The following UNC45B variants were observed in gnomAD, a reference collection of about 807,000 sequenced individuals.
UNC45B encodes unc-45 myosin chaperone B.
A neutral mutation model predicts 98.7 loss-of-function variants in UNC45B; 78 were observed. The ratio of observed to expected loss-of-function variants is 0.79; its 90% CI spans 0.66 to 0.95. UNC45B has a LOEUF of 0.95. UNC45B is among the 40% of genes least tolerant of loss of function. The pLI is 0.00. For missense variants in UNC45B, 1,225 were observed against 1,184.9 expected (o/e 1.03, Z -0.50); for synonymous variants, 462 against 480.4 (o/e 0.96, Z 0.50).
intron 13 of UNC45B, among the ~76,000 whole-genome samples, chr17:35,173,848 TGTCGCCCAGGCTGGA>T (rs1456061780): frequency 6.7e-6 from 1 of 149,432 alleles, no homozygotes; most frequent in Non-Finnish European, 1.5e-5. Context: ...AGTCTCGCTG[TGTCGCCCAGGCTGGA>T]GTGCAGTGGT....
At chr17:35,174,514 G>A in intron 14 of UNC45B, 145 bp downstream of exon 14, 1 of 1,230,854 alleles carries the variant, frequency 8.1e-7, no homozygotes, top group Non-Finnish European at 1.1e-6. Flanking sequence ...GGTCTGAGGG[G>A]ATCAGCTTTG....
At chr17:35,161,853 A>C (rs947667411) in intron 8 of UNC45B, among the ~76,000 whole-genome samples, 3 of 152,038 alleles carry the variant, frequency 2.0e-5, no homozygotes, top group Non-Finnish European at 4.4e-5. Context: ...TGGAGGTGGG[A>C]TTCATCACTA....
At chr17:35,149,077 G>T (rs1376236293) in intron 3 of UNC45B, 68 bp downstream of exon 3, 12 of 1,583,492 alleles carry the variant, frequency 7.6e-6, no homozygotes, top group Non-Finnish European at 1.0e-5. Context: ...TTTTAATCTA[G>T]TTACCATTTT....
chr17:35,162,986 A>G (rs762794058), intron 8 of UNC45B, among the ~76,000 whole-genome samples: 15 of 152,212 alleles, frequency 9.9e-5, no homozygotes, highest in Non-Finnish European at 2.1e-4. Context: ...AGCTAACATC[A>G]CAGGCTTTGA....
chr17:35,181,739 C>T (rs951172813), intron 18 of UNC45B, among the ~76,000 whole-genome samples: 3 of 147,658 alleles, frequency 2.0e-5, no homozygotes, highest in African/African-American at 7.5e-5. Context: ...TACAGTGAGC[C>T]GAGATCATGC....
chr17:35,156,446 T>C (rs1334930443), intron 7 of UNC45B, among the ~76,000 whole-genome samples: 3 of 152,026 alleles, frequency 2.0e-5, no homozygotes, highest in Non-Finnish European at 2.9e-5. Context: ...ACCAACATGG[T>C]GAAAACCTGT....
Position 35,170,299 on chromosome 17 carries a change from G to T in UNC45B, c.1689+44G>T, listed in dbSNP as rs372611139. On this transcript the variant is annotated intron_variant, in intron 12 of 19. Transcript: ENST00000394570. ...GGCCCGACCACAAACCTCAGGAAAGGTCTGCTGGGTCCAGACCCACAGGGA... is the reference window on the plus strand; with the variant it reads ...GGCCCGACCACAAACCTCAGGAAAGTTCTGCTGGGTCCAGACCCACAGGGA... The T allele has an allele frequency of 3.2e-6, 5 of 1,552,564 alleles. No individual in the cohort carries two copies. In the African/African-American group the frequency reaches 5.4e-5, roughly 17 times the overall value.
In UNC45B at chr17:35,154,585, T is replaced by C. The variant is rs1160050871; in HGVS notation, c.483T>C (p.Asn161=). The C allele has an allele frequency of 1.2e-6, 2 of 1,612,714 alleles. No individual in the cohort carries two copies. Among genetic ancestry groups the C allele is most frequent in the African/African-American group, 1.3e-5 (1 of 74,968 alleles). ...TCTTCCTCCTTCAGGCTGCCAACAA[T>C]CTCATTGTCCTAGGCCGTGAGGAAG... ...EADKREKAAN[N]LIVLGREEAG... The change falls in exon 6 of 20, where the codon AAT becomes AAC. Residue 161 remains asparagine (N), a synonymous_variant. Coordinates refer to ENST00000394570, the MANE Select transcript of UNC45B (RefSeq NM_001267052.2).
intron 19 of UNC45B, 49 bp from the exon 20 acceptor site, chr17:35,186,250 G>T (rs2092302603): frequency 6.3e-7 from 1 of 1,599,388 alleles, no homozygotes; most frequent in Non-Finnish European, 8.5e-7. Flanking sequence ...ATGAACTCTG[G>T]GGACACACTC....
chr17:35,179,818 C>T (rs557219088), intron 17 of UNC45B, among the ~76,000 whole-genome samples: 12 of 151,886 alleles, frequency 7.9e-5, no homozygotes, highest in African/African-American at 1.5e-4. Flanking sequence ...AGTTGATGGG[C>T]GCAGCAAGCC....
At chr17:35,175,622 G>C (rs929487502) in intron 14 of UNC45B, among the ~76,000 whole-genome samples, 1 of 152,176 alleles carries the variant, frequency 6.6e-6, no homozygotes, top group Non-Finnish European at 1.5e-5. Context: ...GGAAGAGCTG[G>C]TGCTGGATGA....
At chr17:35,168,689 T>C (rs539085772) in intron 10 of UNC45B, among the ~76,000 whole-genome samples, 1 of 151,220 alleles carries the variant, frequency 6.6e-6, no homozygotes, top group South Asian at 2.1e-4. Context: ...CTATAAGGTA[T>C]TTTTTTTCCA....
At chr17:35,180,517 A>G in intron 17 of UNC45B, 42 bp from the exon 18 acceptor site, 1 of 1,547,378 alleles carries the variant, frequency 6.5e-7, no homozygotes, top group Non-Finnish European at 8.9e-7. Context: ...TGGTCACGGC[A>G]GAAGACTCAA....
In UNC45B at chr17:35,177,528, T is replaced by C. The variant is rs1344930397; in HGVS notation, c.2173T>C (p.Leu725=). 6.4e-6 allele frequency: 10 copies of C among 1,567,348 alleles called. No homozygotes were observed. Among genetic ancestry groups the C allele is most frequent in the African/African-American group, 1.4e-5 (1 of 73,658 alleles). ...GGTGGTGCGGCCCCTTGTAAGACTC[T>C]TGGACACACAGAGGGATGGGCTTCA... ...YEVVRPLVRL[L]DTQRDGLQNY... The change falls in exon 17 of 20, where the codon TTG becomes CTG. Residue 725 remains leucine, a synonymous_variant. Coordinates refer to ENST00000394570, the MANE Select transcript of UNC45B (RefSeq NM_001267052.2).
Position 35,186,385 on chromosome 17 carries a change from C to G in UNC45B, c.2616C>G (p.Asn872Lys). ...ACCGGGGCCTGGTCATTGCCTACAA[C>G]CTACTGGCAGCCGATGCTGAGCTGG... is the stretch of plus-strand genomic sequence containing the variant. Reference protein sequence around the residue: ...VQHRGLVIAYNLLAADAELAK... With the variant: ...VQHRGLVIAYKLLAADAELAK... The change falls in exon 20 of 20, where the codon AAC (asparagine) becomes AAG (lysine). Residue 872 changes from asparagine to lysine, a missense_variant. Coordinates refer to ENST00000394570, the MANE Select transcript of UNC45B (RefSeq NM_001267052.2). 6.2e-7 allele frequency: 1 copy of G among 1,614,210 alleles called. No homozygotes were observed. The highest frequency in any genetic ancestry group is 8.5e-7 in the Non-Finnish European group (1 of 1,180,042).
chr17:35,179,577 A>AAGG (rs1412358013), intron 17 of UNC45B, among the ~76,000 whole-genome samples: 1 of 152,224 alleles, frequency 6.6e-6, no homozygotes, highest in African/African-American at 2.4e-5. Context: ...AGCCATAAAA[A>AAGG]AGGATGAGTT....
chr17:35,177,357 G>C lies in UNC45B; in HGVS notation c.2140-138G>C, dbSNP rs548796237. 2.2e-5 allele frequency: 16 copies of C among 724,432 alleles called. No homozygotes were observed. In the East Asian group the frequency reaches 4.1e-4, roughly 18 times the overall value. The allele number at this position is 724,432 out of a possible 1,614,324, so 44.9% of individuals were successfully genotyped here. A position where few individuals can be genotyped will look rare whatever the true frequency, so the allele number is the denominator to read the frequency against. ...ATCTATAAAGAAAATAATCCTGCCT[G>C]TCAGGATCATTGTGAGGATGAAATC... On this transcript the variant is annotated intron_variant, in intron 16 of 19. Transcript: ENST00000394570.
At chr17:35,168,442 G>C in intron 10 of UNC45B, 81 bp downstream of exon 10, 1 of 1,234,398 alleles carries the variant, frequency 8.1e-7, no homozygotes, top group Non-Finnish European at 1.0e-6. Flanking sequence ...AATGAGTTGA[G>C]GCTGCTGTCC....
chr17:35,152,384 ACCC>A (rs972210513), intron 4 of UNC45B, among the ~76,000 whole-genome samples: 90 of 152,306 alleles, frequency 5.9e-4, no homozygotes, highest in African/African-American at 2.1e-3. Flanking sequence ...TTTATGGAGG[ACCC>A]AGGGCAGTGG....
Sources: gnomAD v4.1 joint callset for allele counts (sites outside exome capture counted in the v4.1 genomes callset) on GRCh38, gnomAD v4.1.1 for gene constraint, MANE v1.5 for transcripts, NCBI Gene and HGNC (gene_info 2026-07-23, HGNC 2026-07-21) for gene names.